Variants in KLRG1 observed in about 807,000 individuals in gnomAD.
KLRG1 encodes the protein killer cell lectin-like receptor subfamily G member 1.
Under a neutral mutation model 21.8 loss-of-function variants are expected in KLRG1, and 16 were observed. That is an observed-to-expected ratio of 0.73 (90% CI 0.50 to 1.11). The LOEUF (loss-of-function observed/expected upper bound fraction) is 1.11. KLRG1 is among the 50% of genes most tolerant of loss of function. KLRG1 has a pLI of 0.00. For missense variants in KLRG1, 173 were observed against 218.3 expected, an observed-to-expected ratio of 0.79 and a Z score of 1.31; for synonymous variants, 69 against 75.9, an observed-to-expected ratio of 0.91 and a Z score of 0.47.
the KLRG1 span, among the ~76,000 whole-genome samples, chr12:9,073,555 T>C: frequency 2.0e-5 from 3 of 152,208 alleles, no homozygotes; most frequent in Admixed American, 6.5e-5. Flanking sequence ...AATTACTTAG[T>C]TTTTTTCATT....
At chr12:9,049,753 T>C in the KLRG1 span, among the ~76,000 whole-genome samples, 1 of 152,210 alleles carries the variant, frequency 6.6e-6, no homozygotes, top group Non-Finnish European at 1.5e-5. Context: ...TTACTGTATA[T>C]GAAAGGGGCA....
At chr12:8,999,054 A>C (rs1468678738) in intron 3 of KLRG1, among the ~76,000 whole-genome samples, 2 of 150,310 alleles carry the variant, frequency 1.3e-5, no homozygotes, top group East Asian at 3.9e-4. Flanking sequence ...TTTTTTTTCT[A>C]TCTGGGACTT....
the KLRG1 span, among the ~76,000 whole-genome samples, chr12:9,099,228 GCTT>G: frequency 0.33 from 50,614 of 151,844 alleles, 8,824 homozygotes; most frequent in Admixed American, 0.37. Context: ...AAGTGATTCT[GCTT>G]CTTAGTGTGA....
chr12:9,072,660 T>A, the KLRG1 span: 1 of 1,614,070 alleles, frequency 6.2e-7, no homozygotes, highest in Non-Finnish European at 8.5e-7. Flanking sequence ...CACCTGGAGG[T>A]AGACACATCC....
chr12:9,053,404 C>T, the KLRG1 span, among the ~76,000 whole-genome samples: 2 of 152,150 alleles, frequency 1.3e-5, no homozygotes, highest in African/African-American at 4.8e-5. Context: ...AGATGATAAT[C>T]ATACAGATAC....
the KLRG1 span, among the ~76,000 whole-genome samples, chr12:9,210,514 G>A: frequency 8.5e-5 from 13 of 152,280 alleles, no homozygotes; most frequent in South Asian, 2.5e-3. Context: ...TAAGGGGAAA[G>A]TGCCCTTAAA....
the KLRG1 span, among the ~76,000 whole-genome samples, chr12:9,043,015 T>G: frequency 6.6e-6 from 1 of 152,246 alleles, no homozygotes; most frequent in African/African-American, 2.4e-5. Flanking sequence ...ATAGGAATAT[T>G]TATGCCCTTA....
the KLRG1 span, among the ~76,000 whole-genome samples, chr12:9,084,583 A>G: frequency 6.6e-6 from 1 of 152,172 alleles, no homozygotes; most frequent in African/African-American, 2.4e-5. Flanking sequence ...ATACCACTAC[A>G]GAACATCAGA....
the KLRG1 span, chr12:9,076,832 A>G: frequency 2.6e-4 from 419 of 1,614,060 alleles, 1 homozygote; most frequent in African/African-American, 4.9e-3. Flanking sequence ...GGGCAAAAGC[A>G]TAGGCCAGCA....
intron 1 of KLRG1, among the ~76,000 whole-genome samples, chr12:8,964,001 A>G (rs1326718900): frequency 2.6e-5 from 4 of 151,930 alleles, no homozygotes; most frequent in Non-Finnish European, 4.4e-5. Context: ...TGGATTCATT[A>G]ATTTTTTGAA....
chr12:9,054,522 A>G, the KLRG1 span, among the ~76,000 whole-genome samples: 2 of 151,876 alleles, frequency 1.3e-5, no homozygotes, highest in Non-Finnish European at 2.9e-5. Context: ...ATGATCACTT[A>G]TAATTGGGAT....
chr12:9,109,534 C>G, the KLRG1 span: 5 of 695,518 alleles, frequency 7.2e-6, no homozygotes, highest in East Asian at 5.4e-5. Flanking sequence ...GCTCTCCAAT[C>G]TATTCTTATC....
chr12:9,177,877 T>C, the KLRG1 span, among the ~76,000 whole-genome samples: 1 of 152,210 alleles, frequency 6.6e-6, no homozygotes, highest in Non-Finnish European at 1.5e-5. Flanking sequence ...TACTACATGC[T>C]GAAATTAATA....
At chr12:8,966,065 C>G (rs1011065712) in intron 1 of KLRG1, among the ~76,000 whole-genome samples, 1 of 152,110 alleles carries the variant, frequency 6.6e-6, no homozygotes, top group Non-Finnish European at 1.5e-5. Flanking sequence ...TTTGACAAAC[C>G]TGAGAAAAAC....
rs1946393622 is a variant in KLRG1 at position 8,962,225 on chromosome 12, T to A, written c.-156+11989T>A. On this transcript the variant is annotated intron_variant, in intron 1 of 4. Transcript: ENST00000539240. ...TCAGGTTTTATAAATACACTCCATA[T>A]GTTCAGAGAATAGAGGAAAATTGAA... 2.6e-5 allele frequency among the ~76,000 whole-genome samples: 4 copies of A among 152,170 alleles called. No individual in the cohort carries two copies. The South Asian group carries it at 8.3e-4, about 32-fold the overall frequency.
intron 1 of KLRG1, among the ~76,000 whole-genome samples, chr12:8,962,282 A>C (rs1178606585): frequency 6.6e-6 from 1 of 152,250 alleles, no homozygotes; most frequent in Non-Finnish European, 1.5e-5. Context: ...AGATATTCAA[A>C]TAATATCTTC....
At chr12:9,123,670 A>T in the KLRG1 span, among the ~76,000 whole-genome samples, 1 of 145,322 alleles carries the variant, frequency 6.9e-6, no homozygotes, top group East Asian at 1.9e-4. Context: ...GAAGCTGCAG[A>T]TAAGAGAGAA....
chr12:9,004,690 A>G (rs1371139405), intron 3 of KLRG1, among the ~76,000 whole-genome samples: 1 of 152,158 alleles, frequency 6.6e-6, no homozygotes, highest in Non-Finnish European at 1.5e-5. Flanking sequence ...TATGTTGTCC[A>G]GGCTGGTCCT....
At position 9,009,934 on chromosome 12, in the gene KLRG1, A is replaced by C. The variant is rs1947594083; in HGVS notation, c.*397A>C. Reference sequence around the variant, plus strand: ...TATACTATTGCTTGTGTACTAGAGAAGTACATTATTGCTGTACTCCTCTGT... The same window carrying C: ...TATACTATTGCTTGTGTACTAGAGACGTACATTATTGCTGTACTCCTCTGT... On this transcript the variant is annotated 3_prime_UTR_variant, in exon 5 of 5. Transcript: ENST00000356986. 1.3e-6 allele frequency: 2 copies of C among 1,523,230 alleles called. No individual in the cohort carries two copies. Among genetic ancestry groups the C allele is most frequent in the South Asian group, 1.2e-5 (1 of 83,570 alleles). 94.4% of individuals were successfully genotyped at this position (1,523,230 alleles called of 1,614,324 possible). A position where few individuals can be genotyped will look rare whatever the true frequency, so the allele number is the denominator to read the frequency against.
Sources: allele counts gnomAD v4.1 joint callset (sites outside exome capture counted in the v4.1 genomes callset), GRCh38; gene constraint gnomAD v4.1.1; transcripts MANE v1.5; gene names NCBI Gene and HGNC (gene_info 2026-07-23, HGNC 2026-07-21).